Variants in AUTS2 observed in about 807,000 individuals in gnomAD.
AUTS2 encodes autism susceptibility gene 2 protein.
Under a neutral mutation model 112.4 loss-of-function variants are expected in AUTS2, and 17 were observed. The observed-to-expected ratio is 0.15, with a 90% CI of 0.10 to 0.23. AUTS2 has a LOEUF of 0.23. Among genes scored for constraint, AUTS2 ranks in the 10% least tolerant of loss-of-function variants. The pLI is 1.00. For missense variants in AUTS2, 1,510 were observed against 1,701.6 expected (o/e 0.89, Z 1.98); for synonymous variants, 751 against 702.7 (o/e 1.07, Z -1.09).
intron 5 of AUTS2, among the ~76,000 whole-genome samples, chr7:70,504,400 T>C (rs1330705943): frequency 6.6e-6 from 1 of 150,910 alleles, no homozygotes; most frequent in Non-Finnish European, 1.5e-5. Context: ...CCAGAAGCTG[T>C]CCTGCGCTGT....
intron 4 of AUTS2, among the ~76,000 whole-genome samples, chr7:70,136,701 A>G (rs545245649): frequency 3.6e-4 from 55 of 152,340 alleles, no homozygotes; most frequent in Admixed American, 1.7e-3. Flanking sequence ...CCTCTTCAGC[A>G]TGTCTTTGAA....
At chr7:70,281,279 A>T (rs1015641151) in intron 4 of AUTS2, among the ~76,000 whole-genome samples, 2 of 152,190 alleles carry the variant, frequency 1.3e-5, no homozygotes, top group South Asian at 4.1e-4. Context: ...TGGCAGCCTC[A>T]TCTATGCTGT....
At position 69,730,779 on chromosome 7, in the gene AUTS2, A is replaced by G. The variant is rs578166541; in HGVS notation, c.309+130817A>G. 1.7e-4 allele frequency among the ~76,000 whole-genome samples: 26 copies of G among 152,330 alleles called. 1 individual carries two copies. The East Asian group carries it at 4.8e-3, about 28-fold the overall frequency. Reference sequence around the variant, plus strand: ...ATTTCTTGGATTTTTCTCAATAGCTAGAGACCACATGGGATCTTTGGTGTT... The same window carrying G: ...ATTTCTTGGATTTTTCTCAATAGCTGGAGACCACATGGGATCTTTGGTGTT... On this transcript the variant is annotated intron_variant, in intron 1 of 18. Coordinates refer to ENST00000342771, the MANE Select transcript of AUTS2 (RefSeq NM_015570.4).
At chr7:70,475,541 A>G (rs1797549113) in intron 5 of AUTS2, among the ~76,000 whole-genome samples, 2 of 152,204 alleles carry the variant, frequency 1.3e-5, no homozygotes, top group African/African-American at 4.8e-5. Flanking sequence ...TCGATCACTT[A>G]TAAACTGTGT....
intron 1 of AUTS2, among the ~76,000 whole-genome samples, chr7:69,720,798 G>A (rs956979835): frequency 3.3e-5 from 5 of 152,114 alleles, no homozygotes; most frequent in African/African-American, 7.2e-5. Flanking sequence ...GCTGCCCAAC[G>A]TATTTCAGGG....
At chr7:70,103,827 T>C (rs1003438667) in intron 2 of AUTS2, among the ~76,000 whole-genome samples, 4 of 151,750 alleles carry the variant, frequency 2.6e-5, no homozygotes, top group Non-Finnish European at 4.4e-5. Context: ...GGAGAATCGC[T>C]TGAACCTGGG....
At chr7:70,632,718 GC>G (rs1585409128) in intron 5 of AUTS2, among the ~76,000 whole-genome samples, 3 of 152,006 alleles carry the variant, frequency 2.0e-5, no homozygotes, top group South Asian at 4.2e-4. Context: ...TCTTCCTCCT[GC>G]CCTCTCCCTG....
At chr7:69,731,974 A>G (rs1424675785) in intron 1 of AUTS2, among the ~76,000 whole-genome samples, 3 of 152,210 alleles carry the variant, frequency 2.0e-5, no homozygotes, top group Admixed American at 1.3e-4. Flanking sequence ...AGCACTTTGT[A>G]TAGAAAATTA....
chr7:70,292,405 A>C (rs548607312), intron 4 of AUTS2: 1 of 152,462 alleles, frequency 6.6e-6, no homozygotes, highest in African/African-American at 2.4e-5. Context: ...GATAGCCTCT[A>C]ATTATGTAAA....
At chr7:70,102,848 A>C (rs966418458) in intron 2 of AUTS2, among the ~76,000 whole-genome samples, 5 of 152,152 alleles carry the variant, frequency 3.3e-5, no homozygotes, top group African/African-American at 9.7e-5. Context: ...ACCAAAAAAA[A>C]CTGTTAGAGA....
At chr7:69,935,309 G>T (rs924691498) in intron 2 of AUTS2, among the ~76,000 whole-genome samples, 10 of 152,164 alleles carry the variant, frequency 6.6e-5, no homozygotes, top group Admixed American at 6.5e-4. Flanking sequence ...AGGAGAAGTG[G>T]TTTGAAATGA....
intron 2 of AUTS2, among the ~76,000 whole-genome samples, chr7:69,970,273 G>A (rs534498481): frequency 2.6e-5 from 4 of 151,762 alleles, no homozygotes; most frequent in Non-Finnish European, 5.9e-5. Flanking sequence ...TTCCTTTTTG[G>A]TGTGTTTTTC....
At chr7:70,197,330 G>C (rs1810231501) in intron 4 of AUTS2, among the ~76,000 whole-genome samples, 1 of 152,106 alleles carries the variant, frequency 6.6e-6, no homozygotes, top group African/African-American at 2.4e-5. Flanking sequence ...TTTACGGATG[G>C]AGGAGGAGCC....
chr7:69,645,673 A>G (rs972520560), intron 1 of AUTS2, among the ~76,000 whole-genome samples: 1 of 152,042 alleles, frequency 6.6e-6, no homozygotes, highest in East Asian at 1.9e-4. Context: ...CCAGTGCCCA[A>G]TCCCCTCAGT....
At position 70,694,694 on chromosome 7, in the gene AUTS2, C is replaced by T. The variant is rs1332217774; in HGVS notation, c.691-3875C>T. On this transcript the variant is annotated intron_variant, in intron 5 of 18. Transcript: ENST00000342771. The surrounding 1 kb of genome is among the most constrained non-coding windows in gnomAD (Gnocchi z 4.1). ...CGCGCCAGCGCGGCCCCGCGCGCCG[C>T]AGGAGCGGCGGGGAGACAGTGGCGA... 6.8e-6 allele frequency: 1 copy of T among 147,568 alleles called. No homozygotes were observed. Among genetic ancestry groups the T allele is most frequent in the African/African-American group, 2.4e-5 (1 of 40,882 alleles). 9.1% of individuals were successfully genotyped at this position (147,568 alleles called of 1,614,324 possible).
chr7:70,053,817 T>A (rs1381405402), intron 2 of AUTS2, among the ~76,000 whole-genome samples: 7 of 152,136 alleles, frequency 4.6e-5, no homozygotes, highest in Admixed American at 4.6e-4. Context: ...GCTGTGGGAT[T>A]ACTGGTGTGA....
chr7:69,932,318 A>T (rs566772235), intron 2 of AUTS2, among the ~76,000 whole-genome samples: 1 of 152,170 alleles, frequency 6.6e-6, no homozygotes, highest in Admixed American at 6.5e-5. Flanking sequence ...GTATACAAGT[A>T]TAGATTGGAT....
At chr7:70,442,374 A>G (rs78021114) in intron 5 of AUTS2, among the ~76,000 whole-genome samples, 220 of 152,310 alleles carry the variant, frequency 1.4e-3, no homozygotes, top group Non-Finnish European at 1.9e-3. Context: ...TCTCTTCCTC[A>G]GGCTTCTATA....
At chr7:70,545,193 T>C (rs1011207906) in intron 5 of AUTS2, among the ~76,000 whole-genome samples, 4 of 152,146 alleles carry the variant, frequency 2.6e-5, no homozygotes, top group Admixed American at 6.5e-5. Context: ...ACTGTAATGC[T>C]AAAAGAGAGC....
Sources: allele counts gnomAD v4.1 joint callset (sites outside exome capture counted in the v4.1 genomes callset), GRCh38; gene constraint gnomAD v4.1.1; non-coding constraint Gnocchi (gnomAD v3.1); transcripts MANE v1.5; gene names NCBI Gene and HGNC (gene_info 2026-07-23, HGNC 2026-07-21).